The following COL23A1 variants were observed in gnomAD, a reference collection of about 807,000 sequenced individuals.
COL23A1 encodes collagen alpha-1(XXIII) chain.
In COL23A1, 97 loss-of-function variants were observed where a neutral mutation model predicts 99.3. The ratio of observed to expected loss-of-function variants is 0.98; its 90% CI spans 0.83 to 1.16. The LOEUF is 1.16. Among genes scored for constraint, COL23A1 ranks in the 50% most tolerant of loss-of-function variants. The pLI, the probability that COL23A1 is intolerant of heterozygous loss-of-function variation, is 0.00. For synonymous variants in COL23A1, 320 were observed against 308.2 expected (o/e 1.04, Z -0.40); for missense variants, 762 against 757.4 (o/e 1.01, Z -0.07).
At chr5:178,551,561 T>C (rs952132456) in intron 2 of COL23A1, among the ~76,000 whole-genome samples, 5 of 152,194 alleles carry the variant, frequency 3.3e-5, no homozygotes, top group African/African-American at 1.2e-4. Flanking sequence ...CAGGCTTCTC[T>C]GTCTTCTCCT....
intron 1 of COL23A1, among the ~76,000 whole-genome samples, chr5:178,581,123 T>C (rs1763639429): frequency 6.6e-6 from 1 of 152,234 alleles, no homozygotes; most frequent in Non-Finnish European, 1.5e-5. Context: ...ACAACAATGA[T>C]AAATCCAACT....
At chr5:178,486,542 GA>G (rs35532780) in intron 2 of COL23A1, among the ~76,000 whole-genome samples, 4 of 151,784 alleles carry the variant, frequency 2.6e-5, no homozygotes, top group Non-Finnish European at 5.9e-5. Flanking sequence ...TGGGAGGGTT[GA>G]AAAAAAGAAA....
rs1239135799 is a variant in COL23A1 at position 178,418,943 on chromosome 5, GA to G, written c.362-112025del. ...CAGCCTGCCCCACAGCTCTAGAATG[GA>G]AGCCCCAGGAGAGCAAGGACTCTGC... is the stretch of plus-strand genomic sequence containing the variant. On this transcript the variant is annotated intron_variant, in intron 2 of 28. Coordinates refer to ENST00000390654, the MANE Select transcript of COL23A1 (RefSeq NM_173465.4). Among the ~76,000 whole-genome samples the G allele has an allele frequency of 2.0e-5, 3 of 152,318 alleles. No individual in the cohort carries two copies. The East Asian group carries it at 5.8e-4, about 29-fold the overall frequency.
rs72820950 is a variant in COL23A1 at position 178,338,600 on chromosome 5, A to T, written c.362-31681T>A. On this transcript the variant is annotated intron_variant, in intron 2 of 28. Coordinates refer to ENST00000390654, the MANE Select transcript of COL23A1 (RefSeq NM_173465.4). ...TCCTGGGTCACTGGCCAGCACCGGG[A>T]ATGGGGTAGCTCCTGGGTCACCCAG... Among the ~76,000 whole-genome samples, 432 of 120,148 alleles carry T rather than the reference A, an allele frequency of 3.6e-3. 2 individuals are homozygous for T. Among genetic ancestry groups the T allele is most frequent in the African/African-American group, 0.011 (357 of 31,270 alleles). 78.8% of individuals were successfully genotyped at this position (120,148 alleles called of 152,430 possible).
At chr5:178,253,725 C>T (rs1415299760) in intron 16 of COL23A1, among the ~76,000 whole-genome samples, 1 of 152,000 alleles carries the variant, frequency 6.6e-6, no homozygotes, top group African/African-American at 2.4e-5. Flanking sequence ...TCGTGATCCA[C>T]CTGCCTCGGG....
At chr5:178,371,658 G>A (rs1762807756) in intron 2 of COL23A1, among the ~76,000 whole-genome samples, 1 of 152,118 alleles carries the variant, frequency 6.6e-6, no homozygotes, top group Non-Finnish European at 1.5e-5. Flanking sequence ...CACACCCTGG[G>A]GATTGCACAG....
chr5:178,317,186 C>G (rs1489674956), intron 2 of COL23A1, among the ~76,000 whole-genome samples: 1 of 152,200 alleles, frequency 6.6e-6, no homozygotes, highest in African/African-American at 2.4e-5. Context: ...CCCCACCTGT[C>G]TTTCTATTTA....
intron 2 of COL23A1, among the ~76,000 whole-genome samples, chr5:178,528,761 G>A (rs2113174190): frequency 6.6e-6 from 1 of 152,372 alleles, no homozygotes; most frequent in African/African-American, 2.4e-5. Flanking sequence ...GACGCGCTGA[G>A]ATCGCGCCAT....
chr5:178,470,827 G>A (rs752151557), intron 2 of COL23A1, among the ~76,000 whole-genome samples: 8 of 152,314 alleles, frequency 5.3e-5, no homozygotes, highest in East Asian at 3.9e-4. Context: ...CCCACTGAGC[G>A]GCCGTTCATG....
intron 22 of COL23A1, among the ~76,000 whole-genome samples, chr5:178,246,740 G>C (rs1581440495): frequency 2.9e-5 from 4 of 139,096 alleles, no homozygotes; most frequent in African/African-American, 1.1e-4. Flanking sequence ...GGGGGGGGGG[G>C]ACAGGCCCAG....
At chr5:178,500,408 C>G (rs1035673700) in intron 2 of COL23A1, among the ~76,000 whole-genome samples, 1 of 72,636 alleles carries the variant, frequency 1.4e-5, no homozygotes, top group Non-Finnish European at 2.6e-5. Flanking sequence ...GGCAACAAAG[C>G]AAGACCCCAT....
At chr5:178,443,007 C>T (rs1581399612) in intron 2 of COL23A1, 1 of 152,258 alleles carries the variant, frequency 6.6e-6, no homozygotes, top group Non-Finnish European at 1.5e-5. Context: ...AATTTAAGGG[C>T]CCTGAAAGGT....
rs1014440421 is a variant in COL23A1, at chr5:178,247,852, G to C, written c.1213-21C>G. 1.9e-6 allele frequency: 3 copies of C among 1,606,912 alleles called. No homozygotes were observed. In the African/African-American group the frequency reaches 4.0e-5, roughly 22 times the overall value. ...TGAGCCTAGGGAGGGTGAGAGACAG[G>C]TTAGTCACCCACCGCCTGTCACCCT... On this transcript the variant is annotated intron_variant, in intron 20 of 28. Transcript: ENST00000390654.
intron 2 of COL23A1, among the ~76,000 whole-genome samples, chr5:178,487,153 G>C (rs1159636677): frequency 6.8e-6 from 1 of 147,902 alleles, no homozygotes; most frequent in Admixed American, 6.7e-5. Context: ...TGAGTGTTCT[G>C]CACAGGACGC....
Position 178,307,281 on chromosome 5 carries a change from G to C in COL23A1, c.362-362C>G, listed in dbSNP as rs1253349368. On this transcript the variant is annotated intron_variant, in intron 2 of 28. Coordinates refer to ENST00000390654, the MANE Select transcript of COL23A1 (RefSeq NM_173465.4). The surrounding 1 kb of genome is among the most constrained non-coding windows in gnomAD (Gnocchi z 4.2). The stretch of plus-strand genomic sequence containing the variant: ...TGCAGCTGAGAAACTTCAGACTTAG[G>C]AGGAAAGTAAGGGTGGGTTATCTTA... Among the ~76,000 whole-genome samples, 1 of 152,232 alleles carries C rather than the reference G, an allele frequency of 6.6e-6. No homozygotes were observed. Among genetic ancestry groups the C allele is most frequent in the African/African-American group, 2.4e-5 (1 of 41,452 alleles).
intron 2 of COL23A1, among the ~76,000 whole-genome samples, chr5:178,499,217 A>T (rs1758393226): frequency 6.6e-6 from 1 of 152,242 alleles, no homozygotes; most frequent in Non-Finnish European, 1.5e-5. Context: ...CAACACTCTC[A>T]GAGAGATTTT....
intron 2 of COL23A1, among the ~76,000 whole-genome samples, chr5:178,315,271 T>C (rs957537876): frequency 1.3e-5 from 2 of 152,132 alleles, no homozygotes; most frequent in African/African-American, 2.4e-5. Context: ...CAAGAGCATC[T>C]CCCCAAGGGC....
intron 2 of COL23A1, among the ~76,000 whole-genome samples, chr5:178,499,834 T>C (rs1278554650): frequency 2.6e-5 from 4 of 152,158 alleles, no homozygotes; most frequent in East Asian, 1.9e-4. Flanking sequence ...GATAAACAAA[T>C]TGTGTTAGAG....
intron 2 of COL23A1, among the ~76,000 whole-genome samples, chr5:178,363,579 G>C (rs562142442): frequency 6.6e-6 from 1 of 152,176 alleles, no homozygotes; most frequent in South Asian, 2.1e-4. Context: ...ACATTAGGAC[G>C]TTTTGGTCAG....
Sources: gnomAD v4.1 joint callset for allele counts (sites outside exome capture counted in the v4.1 genomes callset) on GRCh38, gnomAD v4.1.1 for gene constraint, Gnocchi (gnomAD v3.1) non-coding constraint, MANE v1.5 for transcripts, NCBI Gene and HGNC (gene_info 2026-07-23, HGNC 2026-07-21) for gene names.